GTPBP6: variants seen among roughly 807,000 people sequenced by gnomAD.
GTPBP6 encodes the protein GTP binding protein 6, also known as putative GTP-binding protein 6.
A neutral mutation model predicts 28.9 loss-of-function variants in GTPBP6; 33 were observed. The ratio of observed to expected loss-of-function variants is 1.14; its 90% CI spans 0.87 to 1.53. The LOEUF (loss-of-function observed/expected upper bound fraction) is 1.53, where lower values mean the gene tolerates loss of function less well. Among genes scored for constraint, GTPBP6 ranks in the 40% most tolerant of loss-of-function variants. The probability of loss-of-function intolerance (pLI) is 0.00; values close to 1 mark genes in which losing one functional copy is unlikely to be tolerated. For synonymous variants in GTPBP6, 231 were observed against 192.7 expected (o/e 1.20, Z -1.65); for missense variants, 507 against 408.3 (o/e 1.24, Z -2.08).
intron 5 of GTPBP6, among the ~76,000 whole-genome samples, chrX:313,502 T>C (rs972754115): frequency 6.7e-6 from 1 of 149,796 alleles, no homozygotes; most frequent in African/African-American, 2.5e-5. Context: ...TGTAGCGGAT[T>C]GAACTGTGGT....
rs1173622562 is a variant in GTPBP6, at chrX:318,027, A to C, written c.349+412T>G. ...CCACGCCCTGGCATCTCCAACCATC[A>C]GACCCTCTCCTTAGAGCCTGGCCCC... On this transcript the variant is annotated intron_variant, in intron 1 of 9. Coordinates refer to ENST00000326153, the Ensembl canonical transcript of GTPBP6. Among the ~76,000 whole-genome samples, 189 of 122,192 alleles carry C rather than the reference A, an allele frequency of 1.5e-3. 1 individual carries two copies. Among genetic ancestry groups the C allele is most frequent in the Middle Eastern group, 6.0e-3 (1 of 168 alleles). 80.2% of individuals were successfully genotyped at this position (122,192 alleles called of 152,430 possible). A position where few individuals can be genotyped will look rare whatever the true frequency, so the allele number is the denominator to read the frequency against.
chrX:311,572 G>A (rs942244776), exon 7 of GTPBP6: 1 of 1,612,306 alleles, frequency 6.2e-7, no homozygotes, highest in Non-Finnish European at 8.5e-7. Context: ...CAAACAGCTG[G>A]TCCCGTGGCT....
At chrX:317,897 C>A (rs1184914230) in intron 1 of GTPBP6, among the ~76,000 whole-genome samples, 1 of 148,064 alleles carries the variant, frequency 6.8e-6, no homozygotes, top group Admixed American at 6.7e-5. Context: ...GGGCTCCTCC[C>A]CCGAACCCCA....
At chrX:318,029 ACCCTCTCCTTAGAG>A (rs1474888053) in intron 1 of GTPBP6, among the ~76,000 whole-genome samples, 1 of 100,288 alleles carries the variant, frequency 1.0e-5, no homozygotes, top group Non-Finnish European at 2.1e-5. Context: ...CAACCATCAG[ACCCTCTCCTTAGAG>A]CCTGGCCCCC....
At chrX:313,184 C>G (rs1187917751) in intron 5 of GTPBP6, among the ~76,000 whole-genome samples, 1 of 152,234 alleles carries the variant, frequency 6.6e-6, no homozygotes, top group East Asian at 1.9e-4. Context: ...AAAGTAAAGG[C>G]CAGATCACTA....
exon 7 of GTPBP6, chrX:311,500 C>A: frequency 6.2e-7 from 1 of 1,612,196 alleles, no homozygotes; most frequent in Non-Finnish European, 8.5e-7. Context: ...CGATGGTGTC[C>A]ACGTACAGGA....
intron 9 of GTPBP6, among the ~76,000 whole-genome samples, 184 bp from the exon 10 acceptor site, chrX:305,381 G>A (rs2070137175): frequency 6.7e-6 from 1 of 150,348 alleles, no homozygotes; most frequent in African/African-American, 2.5e-5. Context: ...GAGTGCAGTG[G>A]CGCGATCTCA....
exon 1 of GTPBP6, chrX:318,470 C>G (rs1243275111): frequency 2.5e-6 from 1 of 398,480 alleles, no homozygotes; most frequent in Admixed American, 4.4e-5. Flanking sequence ...CCGGGCCCCA[C>G]TTGACGTCAG....
chrX:317,541 T>C (rs2070459460), intron 1 of GTPBP6, among the ~76,000 whole-genome samples: 1 of 104,992 alleles, frequency 9.5e-6, no homozygotes, highest in African/African-American at 4.7e-5. Context: ...GACTTATTCA[T>C]TTGCATTTCC....
At chrX:307,327 C>A in intron 9 of GTPBP6, 33 bp downstream of exon 9, 1 of 1,604,700 alleles carries the variant, frequency 6.2e-7, no homozygotes, top group Non-Finnish European at 8.5e-7. Context: ...ATCCAAAGCA[C>A]CATCCCGTCT....
chrX:314,662 C>A (rs148203472), intron 4 of GTPBP6, among the ~76,000 whole-genome samples: 4 of 151,420 alleles, frequency 2.6e-5, no homozygotes, highest in African/African-American at 7.3e-5. Context: ...ATTTTTAGTA[C>A]AGACGGGGTT....
At chrX:307,279 G>T in intron 9 of GTPBP6, 81 bp downstream of exon 9, 2 of 1,324,208 alleles carry the variant, frequency 1.5e-6, no homozygotes, top group Non-Finnish European at 2.1e-6. Context: ...AGCTCCTTGT[G>T]CACCCACGAA....
chrX:315,322 T>C (rs1413428373), intron 2 of GTPBP6, 23 bp from the exon 3 acceptor site: 11 of 398,324 alleles, frequency 2.8e-5, no homozygotes, highest in African/African-American at 4.1e-5. Flanking sequence ...GGGGGTCCCG[T>C]CAGAGGCTGG....
chrX:304,821 C>T, exon 10 of GTPBP6: 1 of 1,389,612 alleles, frequency 7.2e-7, no homozygotes, highest in East Asian at 2.7e-5. Flanking sequence ...TCACAGCAGG[C>T]ACCGAGGGCC....
intron 7 of GTPBP6, among the ~76,000 whole-genome samples, chrX:310,125 C>A (rs1164071092): frequency 7.5e-6 from 1 of 133,634 alleles, no homozygotes; most frequent in East Asian, 2.3e-4. Context: ...CACAAAAGAC[C>A]TGTCCATGTA....
rs1432337797 is a variant in GTPBP6 at position 315,300 on chromosome X, C to T, written c.488-1G>A. 2.5e-6 allele frequency: 1 copy of T among 398,398 alleles called. No individual in the cohort carries two copies. 24.7% of individuals were successfully genotyped at this position (398,398 alleles called of 1,614,324 possible). A position where few individuals can be genotyped will look rare whatever the true frequency, so the allele number is the denominator to read the frequency against. On this transcript the variant is annotated splice_acceptor_variant, in intron 2 of 9. Transcript: ENST00000326153. LOFTEE classifies it high-confidence loss of function. ...ATGTCTGGAGACCCTCGGATCTTTT[C>T]TAACAGAAAGAGGGGGTCCCGTCAG...
chrX:305,088 G>C, exon 10 of GTPBP6: 1 of 1,613,190 alleles, frequency 6.2e-7, no homozygotes, highest in African/African-American at 1.3e-5. Flanking sequence ...CCTGGAAAGA[G>C]CTTCCGGAAT....
chrX:304,998 G>A (rs1140801), exon 10 of GTPBP6: 40,952 of 1,573,588 alleles, frequency 0.026, 640 homozygotes, highest in Non-Finnish European at 0.031. Context: ...ACACCAAGCT[G>A]CCCCCAACAC....
intron 5 of GTPBP6, 92 bp downstream of exon 5, chrX:314,058 C>G (rs2070374967): frequency 1.0e-6 from 1 of 985,540 alleles, no homozygotes; most frequent in Non-Finnish European, 1.6e-6. Flanking sequence ...TGGACCCCAC[C>G]CTGTTGGAAT....
Sources: gnomAD v4.1 joint callset for allele counts (sites outside exome capture counted in the v4.1 genomes callset) on GRCh38, gnomAD v4.1.1 for gene constraint, MANE v1.5 for transcripts, NCBI Gene and HGNC (gene_info 2026-07-23, HGNC 2026-07-21) for gene names.